NELL2: variants seen among roughly 807,000 people sequenced by gnomAD.
NELL2 encodes the protein neural EGFL like 2.
In NELL2, 41 loss-of-function variants were observed where a neutral mutation model predicts 109.6. The ratio of observed to expected loss-of-function variants is 0.37; its 90% CI spans 0.29 to 0.49. The LOEUF (loss-of-function observed/expected upper bound fraction) is 0.49. Among genes scored for constraint, NELL2 ranks in the 20% least tolerant of loss-of-function variants. NELL2 has a pLI of 0.98. For synonymous variants in NELL2, 355 were observed against 344.7 expected (o/e 1.03, Z -0.33); for missense variants, 900 against 1,008.3 (o/e 0.89, Z 1.45).
chr12:44,631,337 C>T lies in NELL2; in HGVS notation c.1445-20367G>A, dbSNP rs375347438. Among the ~76,000 whole-genome samples the T allele has an allele frequency of 1.7e-4, 26 of 151,068 alleles. No individual in the cohort carries two copies. In the South Asian group the frequency reaches 2.1e-3, roughly 12 times the overall value. The stretch of plus-strand genomic sequence containing the variant: ...TTATGGGGAAAACACATCCAAAGAA[C>T]CCATGAGTTAAAAAGGAATCACAAT... On this transcript the variant is annotated intron_variant, in intron 13 of 19. Transcript: ENST00000429094.
intron 12 of NELL2, among the ~76,000 whole-genome samples, chr12:44,690,415 C>T (rs1948863025): frequency 6.6e-6 from 1 of 152,054 alleles, no homozygotes; most frequent in South Asian, 2.1e-4. Flanking sequence ...ATCTTGTTAA[C>T]ATGCAGGTTC....
At chr12:44,649,326 A>C (rs1947222967) in intron 13 of NELL2, among the ~76,000 whole-genome samples, 1 of 151,826 alleles carries the variant, frequency 6.6e-6, no homozygotes, top group African/African-American at 2.4e-5. Context: ...TCCAGGTAGG[A>C]GGCAGGGTGC....
chr12:44,834,189 C>T (rs2136730933), intron 2 of NELL2, among the ~76,000 whole-genome samples: 1 of 152,230 alleles, frequency 6.6e-6, no homozygotes, highest in East Asian at 1.9e-4. Context: ...TAAACACTAA[C>T]ATCCAATGAC....
At chr12:44,586,134 AT>A (rs1188400881) in intron 15 of NELL2, among the ~76,000 whole-genome samples, 1 of 150,900 alleles carries the variant, frequency 6.6e-6, no homozygotes, top group Non-Finnish European at 1.5e-5. Context: ...CTGTATGTAT[AT>A]GCAAATATAT....
chr12:44,856,551 G>A (rs1046311063), intron 2 of NELL2, among the ~76,000 whole-genome samples: 2 of 152,130 alleles, frequency 1.3e-5, no homozygotes, highest in African/African-American at 4.8e-5. Flanking sequence ...GAAGTAAGGC[G>A]GAAAACATGC....
rs1335883623 is a variant in NELL2 at position 44,777,315 on chromosome 12, C to T, written c.607-1G>A. ...GTAATTGGACATCTTGCATTATACC[C>T]TGTGTGTGAAAAATAGAAAAAAAAG... On this transcript the variant is annotated splice_acceptor_variant, in intron 5 of 19. Coordinates refer to ENST00000429094, the MANE Select transcript of NELL2 (RefSeq NM_001145108.2). LOFTEE classifies it high-confidence loss of function. 6.2e-7 allele frequency: 1 copy of T among 1,612,116 alleles called. No homozygotes were observed. Among genetic ancestry groups the T allele is most frequent in the Admixed American group, 1.7e-5 (1 of 59,992 alleles).
intron 12 of NELL2, among the ~76,000 whole-genome samples, chr12:44,689,945 C>G (rs1053962956): frequency 6.6e-6 from 1 of 152,102 alleles, no homozygotes; most frequent in African/African-American, 2.4e-5. Flanking sequence ...GATCGGAGAT[C>G]GAATAATTCA....
intron 9 of NELL2, among the ~76,000 whole-genome samples, chr12:44,749,688 C>T (rs971537576): frequency 3.3e-5 from 5 of 152,012 alleles, no homozygotes; most frequent in African/African-American, 7.2e-5. Flanking sequence ...AAGTCCCCCT[C>T]GGAGGAGGAA....
intron 1 of NELL2, among the ~76,000 whole-genome samples, chr12:44,907,941 C>T (rs1021583339): frequency 9.9e-5 from 15 of 151,920 alleles, no homozygotes; most frequent in African/African-American, 3.6e-4. Context: ...TTTAGGCACA[C>T]AAAGGCAGAA....
At chr12:44,812,913 G>T (rs1943224583) in intron 3 of NELL2, among the ~76,000 whole-genome samples, 2 of 152,148 alleles carry the variant, frequency 1.3e-5, no homozygotes, top group African/African-American at 4.8e-5. Context: ...TAATCACACT[G>T]ATGGAAAAGC....
intron 12 of NELL2, among the ~76,000 whole-genome samples, chr12:44,675,570 T>C (rs961316299): frequency 2.6e-5 from 4 of 152,138 alleles, no homozygotes; most frequent in Non-Finnish European, 5.9e-5. Flanking sequence ...TTTGTAATTA[T>C]TCGGAATCAT....
chr12:44,580,340 T>C (rs868216377), intron 15 of NELL2, among the ~76,000 whole-genome samples: 4 of 152,120 alleles, frequency 2.6e-5, no homozygotes, highest in Non-Finnish European at 5.9e-5. Flanking sequence ...CCCGCTACCC[T>C]CACTGCCTTG....
At chr12:44,860,202 G>A (rs776839356) in intron 2 of NELL2, among the ~76,000 whole-genome samples, 13 of 152,106 alleles carry the variant, frequency 8.5e-5, no homozygotes, top group East Asian at 1.9e-4. Flanking sequence ...CCTATTGTAC[G>A]TCCCAAATGA....
At chr12:44,891,751 T>A (rs1339453220) in intron 1 of NELL2, among the ~76,000 whole-genome samples, 1 of 152,150 alleles carries the variant, frequency 6.6e-6, no homozygotes, top group East Asian at 1.9e-4. Context: ...GGGCCAAGCA[T>A]GACATCAGGC....
At chr12:44,902,949 C>T (rs1358146609) in intron 1 of NELL2, among the ~76,000 whole-genome samples, 1 of 152,052 alleles carries the variant, frequency 6.6e-6, no homozygotes, top group South Asian at 2.1e-4. Flanking sequence ...CCATAAAAAC[C>T]CTAGAAGAAA....
intron 9 of NELL2, among the ~76,000 whole-genome samples, chr12:44,724,999 A>G (rs750498551): frequency 2.6e-5 from 4 of 151,776 alleles, no homozygotes; most frequent in African/African-American, 4.8e-5. Flanking sequence ...CAAAGCTGAC[A>G]AAAAAAACAA....
chr12:44,587,284 A>AAAAAAATATATATATATATAT, intron 15 of NELL2, among the ~76,000 whole-genome samples: 3 of 72,218 alleles, frequency 4.2e-5, no homozygotes, highest in Admixed American at 1.6e-4. Flanking sequence ...AAAAAAAAAA[A>AAAAAAATATATATATATATAT]ATATATATAT....
In NELL2 at chr12:44,526,145, C is replaced by CA. The variant is rs200419459; in HGVS notation, c.1805-2662dup. 3.2e-3 allele frequency among the ~76,000 whole-genome samples: 464 copies of CA among 147,288 alleles called. 1 individual carries two copies. Among genetic ancestry groups the CA allele is most frequent in the African/African-American group, 9.2e-3 (369 of 40,244 alleles). On this transcript the variant is annotated intron_variant, in intron 16 of 19. Transcript: ENST00000429094. Reference sequence around the variant, plus strand: ...AATAAAATGTCATTTTAGAGAAATGCAAAAAAAAAATCACAATCTGATTTT... The same window carrying CA: ...AATAAAATGTCATTTTAGAGAAATGCAAAAAAAAAAATCACAATCTGATTTT...
chr12:44,687,921 T>C (rs983362739), intron 12 of NELL2, among the ~76,000 whole-genome samples: 1 of 152,190 alleles, frequency 6.6e-6, no homozygotes, highest in East Asian at 1.9e-4. Flanking sequence ...TGAAAAATGA[T>C]AATAAATGGC....
Sources: gnomAD v4.1 joint callset for allele counts (sites outside exome capture counted in the v4.1 genomes callset) on GRCh38, gnomAD v4.1.1 for gene constraint, MANE v1.5 for transcripts, NCBI Gene and HGNC (gene_info 2026-07-23, HGNC 2026-07-21) for gene names.